RAB38: variants seen among roughly 807,000 people sequenced by gnomAD.
RAB38 encodes the protein ras-related protein Rab-38.
RAB38 carries 15 observed loss-of-function variants against 18.4 expected under a neutral mutation model. The ratio of observed to expected loss-of-function variants is 0.82; its 90% confidence interval spans 0.55 to 1.26. The LOEUF (loss-of-function observed/expected upper bound fraction) is 1.26. RAB38 is among the 50% of genes most tolerant of loss of function. The probability of loss-of-function intolerance (pLI) is 0.00; values close to 1 mark genes in which losing one functional copy is unlikely to be tolerated. For missense variants in RAB38, 294 were observed against 267.4 expected (o/e 1.10, Z -0.69); for synonymous variants, 101 against 104.4 (o/e 0.97, Z 0.20).
chr11:88,067,915 T>TTATA, the RAB38 span, among the ~76,000 whole-genome samples: 20 of 147,974 alleles, frequency 1.4e-4, no homozygotes, highest in African/African-American at 5.0e-4. Flanking sequence ...TAAGGTAAAA[T>TTATA]TATATATATA....
the RAB38 span, among the ~76,000 whole-genome samples, chr11:87,934,673 A>G: frequency 8.5e-5 from 13 of 152,218 alleles, no homozygotes; most frequent in East Asian, 1.5e-3. Flanking sequence ...ACTTGTCTCC[A>G]TCTGTGCTTA....
the RAB38 span, among the ~76,000 whole-genome samples, chr11:88,051,819 A>C: frequency 6.6e-6 from 1 of 152,206 alleles, no homozygotes; most frequent in Admixed American, 6.5e-5. Context: ...TTTAGAGCTA[A>C]AAAATATAAT....
chr11:88,127,153 A>G (rs1043444142), intron 2 of RAB38, among the ~76,000 whole-genome samples: 3 of 152,240 alleles, frequency 2.0e-5, no homozygotes, highest in Non-Finnish European at 2.9e-5. Context: ...AGAGTCTTTT[A>G]GAAGATCGTG....
At chr11:88,155,638 G>A (rs1282868433) in intron 1 of RAB38, among the ~76,000 whole-genome samples, 1 of 152,168 alleles carries the variant, frequency 6.6e-6, no homozygotes, top group Non-Finnish European at 1.5e-5. Context: ...AAATATGAAT[G>A]CAGTGACACC....
chr11:88,168,853 C>T (rs1943274998), intron 1 of RAB38, among the ~76,000 whole-genome samples: 2 of 152,126 alleles, frequency 1.3e-5, no homozygotes, highest in Non-Finnish European at 2.9e-5. Flanking sequence ...CAAACCCATT[C>T]CTCAATTTCT....
At chr11:87,958,643 G>A in the RAB38 span, among the ~76,000 whole-genome samples, 1 of 152,076 alleles carries the variant, frequency 6.6e-6, no homozygotes, top group Admixed American at 6.6e-5. Context: ...TTATTAATTT[G>A]GAGATTTCAG....
intron 2 of RAB38, among the ~76,000 whole-genome samples, chr11:88,139,804 TGTCATGGAATAGATAGA>T (rs1262909321): frequency 6.6e-6 from 1 of 152,210 alleles, no homozygotes; most frequent in African/African-American, 2.4e-5. Context: ...CAAGAATCAT[TGTCATGGAATAGATAGA>T]GTGCTAGACT....
the RAB38 span, among the ~76,000 whole-genome samples, chr11:87,830,612 A>G: frequency 6.6e-6 from 1 of 152,132 alleles, no homozygotes; most frequent in African/African-American, 2.4e-5. Flanking sequence ...GAAGTAAACT[A>G]TTATAACCCA....
chr11:87,828,738 A>T, the RAB38 span, among the ~76,000 whole-genome samples: 1 of 151,612 alleles, frequency 6.6e-6, no homozygotes, highest in South Asian at 2.1e-4. Context: ...TTATTCACTG[A>T]CTTTTTCTGT....
the RAB38 span, among the ~76,000 whole-genome samples, chr11:87,947,713 A>T: frequency 6.6e-6 from 1 of 152,042 alleles, no homozygotes; most frequent in Non-Finnish European, 1.5e-5. Context: ...GTGTGGTATT[A>T]TTTGAGGGCT....
chr11:88,069,861 C>G, the RAB38 span, among the ~76,000 whole-genome samples: 4 of 148,942 alleles, frequency 2.7e-5, no homozygotes, highest in East Asian at 6.0e-4. Context: ...AGAACTTATA[C>G]CTCTAGCTAG....
At chr11:88,085,186 C>T in the RAB38 span, among the ~76,000 whole-genome samples, 21 of 151,984 alleles carry the variant, frequency 1.4e-4, 1 homozygote, top group East Asian at 2.7e-3. Context: ...AATTAGTCAG[C>T]ACTTGGTGAT....
chr11:88,166,969 C>T (rs1943253523), intron 1 of RAB38: 1 of 152,252 alleles, frequency 6.6e-6, no homozygotes, highest in Middle Eastern at 3.4e-3. Context: ...TGAACAAATA[C>T]TACTTGAGTT....
At chr11:88,150,072 T>C (rs1943046249) in intron 1 of RAB38, 117 bp from the exon 2 acceptor site, 11 of 1,096,518 alleles carry the variant, frequency 1.0e-5, no homozygotes, top group South Asian at 9.4e-5. Context: ...TCGTCTTTAC[T>C]GATAATCTTT....
At chr11:87,948,486 G>T in the RAB38 span, among the ~76,000 whole-genome samples, 1 of 151,828 alleles carries the variant, frequency 6.6e-6, no homozygotes, top group African/African-American at 2.4e-5. Flanking sequence ...TTTTCAAAGG[G>T]AATGCTTCCA....
At chr11:88,010,716 T>C in the RAB38 span, among the ~76,000 whole-genome samples, 2 of 152,196 alleles carry the variant, frequency 1.3e-5, no homozygotes, top group Non-Finnish European at 2.9e-5. Flanking sequence ...ACGATAATCC[T>C]GCAAATACTG....
At chr11:87,871,519 G>A in the RAB38 span, among the ~76,000 whole-genome samples, 1 of 151,400 alleles carries the variant, frequency 6.6e-6, no homozygotes, top group South Asian at 2.1e-4. Flanking sequence ...CCAGTTAAAA[G>A]CATAAATTAG....
the RAB38 span, among the ~76,000 whole-genome samples, chr11:87,964,154 C>G: frequency 9.2e-5 from 14 of 152,052 alleles, no homozygotes; most frequent in African/African-American, 3.1e-4. Context: ...ACTTAAAACA[C>G]CACCATTTAT....
the RAB38 span, among the ~76,000 whole-genome samples, chr11:88,025,394 C>T: frequency 6.6e-6 from 1 of 152,108 alleles, no homozygotes; most frequent in African/African-American, 2.4e-5. Context: ...TGGGTATATA[C>T]CGAGTAACGG....
Sources: allele counts gnomAD v4.1 joint callset (sites outside exome capture counted in the v4.1 genomes callset), GRCh38; gene constraint gnomAD v4.1.1; transcripts MANE v1.5; gene names NCBI Gene and HGNC (gene_info 2026-07-23, HGNC 2026-07-21).